The following SPNS3 variants were observed in gnomAD, a reference collection of about 807,000 sequenced individuals.
SPNS3 encodes protein spinster homolog 3.
A neutral mutation model predicts 54.4 loss-of-function variants in SPNS3; 51 were observed. That is an observed-to-expected ratio of 0.94 (90% CI 0.75 to 1.18). The LOEUF is 1.18. Among genes scored for constraint, SPNS3 ranks in the 50% most tolerant of loss-of-function variants. The probability of loss-of-function intolerance (pLI) is 0.00; values close to 1 mark genes in which losing one functional copy is unlikely to be tolerated. For synonymous variants in SPNS3, 309 were observed against 294.7 expected (o/e 1.05, Z -0.50); for missense variants, 669 against 677.4 (o/e 0.99, Z 0.14).
chr17:4,486,211 G>T lies in SPNS3; in HGVS notation c.1180-17G>T. ...CCCTCACTTGGGGTGCCCCCCTGCT[G>T]TGCCTATGTTTTGCAGTCTGTGGTG... On this transcript the variant is annotated splice_polypyrimidine_tract_variant and intron_variant, in intron 9 of 11. Coordinates refer to ENST00000355530, the MANE Select transcript of SPNS3 (RefSeq NM_182538.5). The surrounding 1 kb of genome is among the most constrained non-coding windows in gnomAD (Gnocchi z 5.5). 6.6e-7 allele frequency: 1 copy of T among 1,525,018 alleles called. No individual in the cohort carries two copies. The highest frequency in any genetic ancestry group is 8.8e-7 in the Non-Finnish European group (1 of 1,139,038). The allele number at this position is 1,525,018 out of a possible 1,614,324, so 94.5% of individuals were successfully genotyped here.
At chr17:4,448,946 G>A (rs551564631) in intron 6 of SPNS3, among the ~76,000 whole-genome samples, 12 of 152,244 alleles carry the variant, frequency 7.9e-5, no homozygotes, top group Admixed American at 4.6e-4. Context: ...GGGAGGAGGA[G>A]GCAAGGTGTG....
intron 5 of SPNS3, 129 bp downstream of exon 5, chr17:4,447,091 C>A: frequency 1.1e-6 from 1 of 934,726 alleles, no homozygotes; most frequent in Non-Finnish European, 1.7e-6. Context: ...GGTGGTCAGG[C>A]ATCGGCAGCT....
At chr17:4,450,221 C>T (rs956809253) in intron 7 of SPNS3, among the ~76,000 whole-genome samples, 2 of 151,836 alleles carry the variant, frequency 1.3e-5, no homozygotes, top group African/African-American at 4.8e-5. Flanking sequence ...CTGCTGACTG[C>T]ACCCACGCCT....
chr17:4,461,394 G>C (rs544774335), intron 8 of SPNS3, among the ~76,000 whole-genome samples: 1 of 73,020 alleles, frequency 1.4e-5, no homozygotes, highest in East Asian at 3.3e-4. Context: ...TTTTGAGACA[G>C]GGTCTTGCTT....
intron 1 of SPNS3, among the ~76,000 whole-genome samples, chr17:4,436,513 C>T (rs1363975398): frequency 6.6e-6 from 1 of 152,086 alleles, no homozygotes; most frequent in African/African-American, 2.4e-5. Context: ...GAGGCTGAAG[C>T]AGGAGGATTG....
chr17:4,446,450 C>T (rs2144027674), intron 4 of SPNS3, among the ~76,000 whole-genome samples: 1 of 152,306 alleles, frequency 6.6e-6, no homozygotes, highest in Non-Finnish European at 1.5e-5. Context: ...TATAGATTCA[C>T]ACACTCGGCA....
chr17:4,473,282 C>G (rs140676803), intron 8 of SPNS3, among the ~76,000 whole-genome samples: 2 of 152,164 alleles, frequency 1.3e-5, no homozygotes, highest in African/African-American at 4.8e-5. Context: ...CATCATAGCT[C>G]TGAGTTCCCT....
chr17:4,460,889 T>C (rs2144111529), intron 8 of SPNS3, among the ~76,000 whole-genome samples: 1 of 152,298 alleles, frequency 6.6e-6, no homozygotes, highest in East Asian at 1.9e-4. Flanking sequence ...AAGTGTTCCT[T>C]CCTCTTCTGT....
At chr17:4,481,190 C>T (rs1972140517) in intron 9 of SPNS3, among the ~76,000 whole-genome samples, 1 of 151,704 alleles carries the variant, frequency 6.6e-6, no homozygotes, top group South Asian at 2.1e-4. Context: ...GAGGACAGAA[C>T]AGCCTCCAGG....
intron 7 of SPNS3, among the ~76,000 whole-genome samples, chr17:4,450,766 T>TTA (rs1971142649): frequency 2.0e-5 from 3 of 149,794 alleles, no homozygotes; most frequent in South Asian, 4.2e-4. Flanking sequence ...CCAGCTATTT[T>TTA]TTTTTTTTTT....
At chr17:4,478,524 G>C in intron 8 of SPNS3, 48 bp from the exon 9 acceptor site, 10 of 1,529,156 alleles carry the variant, frequency 6.5e-6, no homozygotes, top group Non-Finnish European at 8.9e-6. Context: ...AGGTGGGGTT[G>C]GTGACTGGGA....
chr17:4,446,815 C>T (rs1252445843), intron 4 of SPNS3, 81 bp from the exon 5 acceptor site: 2 of 1,347,498 alleles, frequency 1.5e-6, no homozygotes, highest in East Asian at 2.3e-5. Context: ...GTGGGGGGGG[C>T]ACCCTGGGTC....
At chr17:4,467,561 T>C (rs1567569359) in intron 8 of SPNS3, among the ~76,000 whole-genome samples, 1 of 152,132 alleles carries the variant, frequency 6.6e-6, no homozygotes, top group Non-Finnish European at 1.5e-5. Context: ...TATATGACCA[T>C]CTCAGGGCAA....
At chr17:4,457,981 A>T (rs1327859951) in intron 8 of SPNS3, among the ~76,000 whole-genome samples, 6 of 151,986 alleles carry the variant, frequency 3.9e-5, no homozygotes, top group African/African-American at 1.5e-4. Flanking sequence ...CTGCGGCCAG[A>T]ACTCTAACCC....
chr17:4,447,538 G>C (rs1971031682), intron 5 of SPNS3, among the ~76,000 whole-genome samples: 1 of 152,226 alleles, frequency 6.6e-6, no homozygotes, highest in African/African-American at 2.4e-5. Flanking sequence ...GCTGCGCGCA[G>C]ACCACTGTGG....
intron 8 of SPNS3, among the ~76,000 whole-genome samples, chr17:4,455,668 C>G (rs952360742): frequency 6.6e-6 from 1 of 151,848 alleles, no homozygotes; most frequent in African/African-American, 2.4e-5. Flanking sequence ...GCCTCCCCCA[C>G]TGCCGCCCTC....
At chr17:4,450,385 CT>C in intron 7 of SPNS3, among the ~76,000 whole-genome samples, 1 of 148,526 alleles carries the variant, frequency 6.7e-6, no homozygotes, top group Non-Finnish European at 1.5e-5. Context: ...CCCTCCCTCC[CT>C]CCTTCCCTCC....
intron 8 of SPNS3, among the ~76,000 whole-genome samples, chr17:4,476,213 CTGCCAAGTGGAGACGAGGATTTGTTG>C (rs1278755770): frequency 6.6e-6 from 1 of 152,224 alleles, no homozygotes; most frequent in African/African-American, 2.4e-5. Context: ...CCCCTCAAAG[CTGCCAAGTGGAGACGAGGATTTGTTG>C]GTGCGGTGCC....
At chr17:4,460,199 G>A (rs1567564853) in intron 8 of SPNS3, among the ~76,000 whole-genome samples, 1 of 152,128 alleles carries the variant, frequency 6.6e-6, no homozygotes, top group African/African-American at 2.4e-5. Flanking sequence ...GATGATGGGT[G>A]CCAGATCATG....
Sources: allele counts gnomAD v4.1 joint callset (sites outside exome capture counted in the v4.1 genomes callset), GRCh38; gene constraint gnomAD v4.1.1; non-coding constraint Gnocchi (gnomAD v3.1); transcripts MANE v1.5; gene names NCBI Gene and HGNC (gene_info 2026-07-23, HGNC 2026-07-21).